The following HERC2 variants were observed in gnomAD, a reference collection of about 807,000 sequenced individuals.
The protein encoded by HERC2 is E3 ubiquitin-protein ligase HERC2.
HERC2 carries 102 observed loss-of-function variants against 537.7 expected under a neutral mutation model. The ratio of observed to expected loss-of-function variants is 0.19; its 90% CI spans 0.16 to 0.22. HERC2 has a LOEUF of 0.22. HERC2 is among the 10% of genes least tolerant of loss of function. The pLI is 1.00. For synonymous variants in HERC2, 2,224 were observed against 2,466.2 expected, an observed-to-expected ratio of 0.90 and a Z score of 2.91; for missense variants, 4,236 against 6,198.2, an observed-to-expected ratio of 0.68 and a Z score of 10.63.
intron 2 of HERC2, among the ~76,000 whole-genome samples, chr15:28,318,364 C>T (rs1314257459): frequency 6.6e-6 from 1 of 152,150 alleles, no homozygotes; most frequent in African/African-American, 2.4e-5. Context: ...CGGTGGCTCA[C>T]GCCTATAATC....
intron 81 of HERC2, 81 bp downstream of exon 81, chr15:28,132,019 G>A: frequency 8.1e-7 from 1 of 1,232,398 alleles, no homozygotes; most frequent in Non-Finnish European, 1.1e-6. Context: ...TGGCTCTGAG[G>A]CTGTGTTTTC....
At chr15:28,210,139 T>G (rs1455742341) in intron 44 of HERC2, among the ~76,000 whole-genome samples, 1 of 149,608 alleles carries the variant, frequency 6.7e-6, no homozygotes, top group African/African-American at 2.5e-5. Context: ...TTTTTTTTAT[T>G]TATTTATTTT....
At chr15:28,315,257 AG>A (rs1354744551) in intron 2 of HERC2, among the ~76,000 whole-genome samples, 1 of 152,258 alleles carries the variant, frequency 6.6e-6, no homozygotes, top group Non-Finnish European at 1.5e-5. Context: ...TTCATACCAC[AG>A]GGAATTCACA....
rs1441260093 is a variant in HERC2 at position 28,198,647 on chromosome 15, C to T, written c.7839G>A (p.Gln2613=). 6.2e-7 allele frequency: 1 copy of T among 1,614,124 alleles called. No homozygotes were observed. Among genetic ancestry groups the T allele is most frequent in the East Asian group, 2.2e-5 (1 of 44,884 alleles). The change falls in exon 49 of 93, where the codon CAG becomes CAA. Residue 2613 remains glutamine (Q), a synonymous_variant. Transcript: ENST00000261609. ...ACCTAACCCAGTAGGTGCCCCCTTT[C>T]TGCTGCCAGTCACACTGCACATTGA... ...HDLNVQCDWQ[Q]KGGTYWVRYI...
chr15:28,305,054 T>C (rs1304766581), intron 2 of HERC2, among the ~76,000 whole-genome samples: 1 of 149,134 alleles, frequency 6.7e-6, no homozygotes, highest in African/African-American at 2.5e-5. Context: ...CTCATCATTT[T>C]TTATGGCTGC....
intron 2 of HERC2, among the ~76,000 whole-genome samples, chr15:28,310,597 T>G (rs1222788510): frequency 6.6e-6 from 1 of 152,174 alleles, no homozygotes; most frequent in Middle Eastern, 3.2e-3. Flanking sequence ...AGTGAATACG[T>G]GCACTGGGGT....
At position 28,196,336 on chromosome 15, in the gene HERC2, C is replaced by T; in HGVS notation, c.8139G>A (p.Met2713Ile). 7.1e-7 allele frequency: 1 copy of T among 1,404,250 alleles called. No individual in the cohort carries two copies. The highest frequency in any genetic ancestry group is 1.3e-5 in the South Asian group (1 of 76,720). The allele number at this position is 1,404,250 out of a possible 1,614,324, so 87.0% of individuals were successfully genotyped here. Reference protein sequence around the residue: ...HPGVTCDGCQMFPINGSRFKC... With the variant: ...HPGVTCDGCQIFPINGSRFKC... ...TGAATCTGGATCCATTGATAGGAAA[C>T]ATCTGACATCCATCACACCTATTTG... is the stretch of plus-strand genomic sequence containing the variant. Residue 2713 changes from methionine to isoleucine, a missense_variant, in exon 52 of 93, where the codon ATG becomes ATA. Around this residue, in one of 27 missense-constraint regions of HERC2, gnomAD observed 606 missense variants for 884.5 expected, o/e 0.69. Transcript: ENST00000261609.
At chr15:28,255,058 G>A (rs947383012) in intron 19 of HERC2, among the ~76,000 whole-genome samples, 1 of 152,222 alleles carries the variant, frequency 6.6e-6, no homozygotes, top group Admixed American at 6.5e-5. Flanking sequence ...CAGAAAGCCT[G>A]GGCGTGGTCG....
At position 28,144,657 on chromosome 15, in the gene HERC2, T is replaced by C. The variant is rs764457826; in HGVS notation, c.11140+16A>G. The C allele has an allele frequency of 2.0e-5, 33 of 1,614,072 alleles. No homozygotes were observed. Among genetic ancestry groups the C allele is most frequent in the Admixed American group, 1.5e-4 (9 of 60,012 alleles). On this transcript the variant is annotated intron_variant, in intron 72 of 92. Coordinates refer to ENST00000261609, the MANE Select transcript of HERC2 (RefSeq NM_004667.6). The stretch of plus-strand genomic sequence containing the variant: ...GCCAGTCATCTAACCTTGATCGCCA[T>C]AAGCCCCTTCCTTACCAGCAGCTGG...
At position 28,235,257 on chromosome 15, in the gene HERC2, G is replaced by A. The variant is rs569143431; in HGVS notation, c.4004-973C>T. On this transcript the variant is annotated intron_variant, in intron 26 of 92. Coordinates refer to ENST00000261609, the MANE Select transcript of HERC2 (RefSeq NM_004667.6). ...ACTCTCTCTGGCCCCCTCTCTTTAA[G>A]CACAGGACAGCCCCTCCTTACTGCT... 4.3e-3 allele frequency among the ~76,000 whole-genome samples: 658 copies of A among 152,132 alleles called. 7 individuals are homozygous for A. The highest frequency in any genetic ancestry group is 0.015 in the African/African-American group (617 of 41,474).
chr15:28,176,554 C>T lies in HERC2; in HGVS notation c.9560G>A (p.Arg3187Gln), dbSNP rs758982177. Reference protein sequence around the residue: ...WGDGDFGKLGRGGSEGCNIPQ... With the variant: ...WGDGDFGKLGQGGSEGCNIPQ... ...AATGTTACAGCCTTCACTTCCGCCC[C>T]GGCCCAGTTTTCCAAAGTCACCATC... Residue 3187 changes from arginine to glutamine, a missense_variant, in exon 63 of 93, where the codon CGG (arginine) becomes CAG (glutamine). Around this residue, in one of 27 missense-constraint regions of HERC2, gnomAD observed 93 missense variants for 265.1 expected, o/e 0.35. Coordinates refer to ENST00000261609, the MANE Select transcript of HERC2 (RefSeq NM_004667.6). The surrounding 1 kb of genome is among the most constrained non-coding windows in gnomAD (Gnocchi z 5.0). The T allele has an allele frequency of 6.8e-6, 11 of 1,614,176 alleles. No individual in the cohort carries two copies. The Admixed American group carries it at 8.3e-5, about 12-fold the overall frequency.
Position 28,111,765 on chromosome 15 carries a change from A to G in HERC2, c.14503T>C (p.Ter4835GlnextTer7), listed in dbSNP as rs1887669745. The G allele has an allele frequency of 1.2e-6, 2 of 1,612,746 alleles. No homozygotes were observed. The highest frequency in any genetic ancestry group is 1.7e-6 in the Non-Finnish European group (2 of 1,178,722). ...DSTQDYLTGH* is the reference protein window; with the variant it reads ...DSTQDYLTGHQ ...TCTCACGAGGACGTTTCCCCATCTT[A>G]GTGTCCTGTTAAATAATCTTGTGTA... Residue 4835 changes from the stop codon to glutamine (Q), a stop_lost, in exon 93 of 93, where the codon TAA (stop) becomes CAA (glutamine). Coordinates refer to ENST00000261609, the MANE Select transcript of HERC2 (RefSeq NM_004667.6).
Position 28,132,178 on chromosome 15 carries a change from G to C in HERC2, c.12492C>G (p.Asp4164Glu). The change falls in exon 81 of 93, where the codon GAC becomes GAG. Residue 4164 changes from aspartate (D) to glutamate (E), a missense_variant. Physicochemically the swap from Asp to Glu is conservative, Grantham distance 45. Coordinates refer to ENST00000261609, the MANE Select transcript of HERC2 (RefSeq NM_004667.6). ...CCCCGTCCCCCCAGGACCAGACAGT[G>C]TCGTCATCTGTGAGGCAGAGGGTCT... ...DAQTLCLTDDDTVWSWGDGDY... is the reference protein window; with the variant it reads ...DAQTLCLTDDETVWSWGDGDY... The C allele has an allele frequency of 6.2e-7, 1 of 1,614,002 alleles. No homozygotes were observed. The highest frequency in any genetic ancestry group is 8.5e-7 in the Non-Finnish European group (1 of 1,179,906).
chr15:28,158,803 C>T (rs907753491), intron 69 of HERC2, among the ~76,000 whole-genome samples: 11 of 152,070 alleles, frequency 7.2e-5, no homozygotes, highest in Non-Finnish European at 1.0e-4. Flanking sequence ...TTATTTTGCT[C>T]GTTAGTTGAT....
intron 68 of HERC2, among the ~76,000 whole-genome samples, chr15:28,165,079 A>T (rs1893990311): frequency 6.6e-6 from 1 of 152,200 alleles, no homozygotes; most frequent in African/African-American, 2.4e-5. Flanking sequence ...TGGTGTGGGG[A>T]GCGCCTCAGC....
chr15:28,238,217 G>A lies in HERC2; in HGVS notation c.3749C>T (p.Ala1250Val), dbSNP rs1320030887. ...TQSLTGNSIL[A>V]QFAGEDPVVA... The stretch of plus-strand genomic sequence containing the variant: ...CACTGGGTCTTCCCCTGCAAACTGA[G>A]CTGAAACAAAAAGGGAAAAAGCAAC... The change falls in exon 25 of 93, where the codon GCT (alanine) becomes GTT (valine). Residue 1250 changes from alanine to valine, a missense_variant and splice_region_variant. Physicochemically the swap from Ala to Val is moderately conservative, Grantham distance 64. Transcript: ENST00000261609. 2 of 1,577,768 alleles carry A rather than the reference G, an allele frequency of 1.3e-6. No individual in the cohort carries two copies. The highest frequency in any genetic ancestry group is 3.3e-5 in the Admixed American group (2 of 59,960).
chr15:28,181,990 C>T (rs1895870991), intron 57 of HERC2, among the ~76,000 whole-genome samples: 1 of 152,204 alleles, frequency 6.6e-6, no homozygotes, highest in African/African-American at 2.4e-5. Flanking sequence ...TCTGTGCAAG[C>T]TACTTCACCC....
chr15:28,257,315 G>T (rs1596335530), intron 16 of HERC2, 54 bp from the exon 17 acceptor site: 2 of 1,494,280 alleles, frequency 1.3e-6, no homozygotes, highest in East Asian at 4.6e-5. Flanking sequence ...CTGCTGGTCT[G>T]CTCCACAGGA....
At chr15:28,188,562 T>A (rs1226450618) in intron 55 of HERC2, among the ~76,000 whole-genome samples, 7 of 142,444 alleles carry the variant, frequency 4.9e-5, no homozygotes, top group African/African-American at 1.9e-4. Context: ...AAAAAAAGAG[T>A]ACTTGTTAGA....
Sources: allele counts gnomAD v4.1 joint callset (sites outside exome capture counted in the v4.1 genomes callset), GRCh38; gene constraint gnomAD v4.1.1; regional missense constraint gnomAD v4.1.1; non-coding constraint Gnocchi (gnomAD v3.1); transcripts MANE v1.5; gene names NCBI Gene and HGNC (gene_info 2026-07-23, HGNC 2026-07-21).